Variants in ABCB1 observed in about 807,000 individuals in gnomAD.
The protein encoded by ABCB1 is ATP-dependent translocase ABCB1.
A neutral mutation model predicts 142.0 loss-of-function variants in ABCB1; 69 were observed. That is an observed-to-expected ratio of 0.49 (90% CI 0.40 to 0.59). The LOEUF (loss-of-function observed/expected upper bound fraction) is 0.59. Among genes scored for constraint, ABCB1 ranks in the 20% least tolerant of loss-of-function variants. The pLI, the probability that ABCB1 is intolerant of heterozygous loss-of-function variation, is 0.00. For missense variants in ABCB1, 1,326 were observed against 1,554.7 expected (o/e 0.85, Z 2.47); for synonymous variants, 532 against 539.2 (o/e 0.99, Z 0.18).
chr7:87,634,713 C>T (rs1387231045), intron 1 of ABCB1, among the ~76,000 whole-genome samples: 2 of 151,872 alleles, frequency 1.3e-5, no homozygotes, highest in African/African-American at 4.8e-5. Flanking sequence ...GAGTATGCCT[C>T]ATAAGACTGT....
intron 9 of ABCB1, among the ~76,000 whole-genome samples, chr7:87,551,116 G>A (rs945023125): frequency 2.6e-5 from 4 of 152,034 alleles, no homozygotes; most frequent in Non-Finnish European, 5.9e-5. Flanking sequence ...CTACCTCCTG[G>A]GCTCAAGCAA....
Position 87,519,622 on chromosome 7 carries a change from G to A in ABCB1, c.2787-156C>T, listed in dbSNP as rs4728697. Among the ~76,000 whole-genome samples, 399 of 152,346 alleles carry A rather than the reference G, an allele frequency of 2.6e-3. 14 individuals are homozygous for A. Among genetic ancestry groups the A allele is most frequent in the Admixed American group, 0.023 (348 of 15,294 alleles). On this transcript the variant is annotated intron_variant, in intron 22 of 27. Coordinates refer to ENST00000622132, the MANE Select transcript of ABCB1 (RefSeq NM_001348946.2). ...TTTGGTCCTCACTTTACACTTAACA[G>A]TTGTGCAAATTTGGGAAACTGCCTA...
intron 20 of ABCB1, among the ~76,000 whole-genome samples, chr7:87,535,419 A>G (rs1184215641): frequency 2.0e-5 from 3 of 148,574 alleles, no homozygotes; most frequent in Non-Finnish European, 4.4e-5. Context: ...TGCAACCTCC[A>G]CCTCCTGAGT....
chr7:87,592,096 G>A (rs1034762417), intron 3 of ABCB1, among the ~76,000 whole-genome samples: 4 of 152,186 alleles, frequency 2.6e-5, no homozygotes, highest in Non-Finnish European at 5.9e-5. Context: ...AGTCAATGGC[G>A]AAATCAAGAC....
At chr7:87,706,854 C>T (rs1829641540) in intron 1 of ABCB1, among the ~76,000 whole-genome samples, 1 of 152,112 alleles carries the variant, frequency 6.6e-6, no homozygotes, top group African/African-American at 2.4e-5. Flanking sequence ...AAGCAAAGTC[C>T]CATAAACAAA....
chr7:87,685,759 A>G (rs1383833007), intron 1 of ABCB1, among the ~76,000 whole-genome samples: 2 of 152,200 alleles, frequency 1.3e-5, no homozygotes, highest in African/African-American at 2.4e-5. Flanking sequence ...TCATGGTTAC[A>G]TGACTCCCTC....
chr7:87,535,430 T>C (rs1482059613), intron 20 of ABCB1, among the ~76,000 whole-genome samples: 1 of 151,954 alleles, frequency 6.6e-6, no homozygotes, highest in Admixed American at 6.6e-5. Flanking sequence ...CCTCCTGAGT[T>C]CAAGTAATTC....
chr7:87,649,205 T>C (rs967539461), intron 1 of ABCB1, among the ~76,000 whole-genome samples: 1 of 151,890 alleles, frequency 6.6e-6, no homozygotes, highest in East Asian at 1.9e-4. Context: ...TGATAGTGGT[T>C]ATATGAATCT....
At chr7:87,561,996 C>A (rs989227396) in intron 7 of ABCB1, among the ~76,000 whole-genome samples, 1 of 151,972 alleles carries the variant, frequency 6.6e-6, no homozygotes, top group African/African-American at 2.4e-5. Context: ...CCCCACCCCT[C>A]CCCCAAAATT....
chr7:87,713,162 T>C (rs1373844574), exon 1 of ABCB1: 1 of 152,170 alleles, frequency 6.6e-6, no homozygotes, highest in Non-Finnish European at 1.5e-5. Context: ...GTACCTTACC[T>C]TTTATCTGGT....
chr7:87,695,172 C>A (rs1478560970), intron 1 of ABCB1, among the ~76,000 whole-genome samples: 1 of 152,050 alleles, frequency 6.6e-6, no homozygotes, highest in Non-Finnish European at 1.5e-5. Flanking sequence ...AGTGTTTATA[C>A]TTGTTCTATT....
At chr7:87,692,159 A>G (rs1013718063) in intron 1 of ABCB1, among the ~76,000 whole-genome samples, 3 of 152,136 alleles carry the variant, frequency 2.0e-5, no homozygotes, top group Non-Finnish European at 4.4e-5. Context: ...AAAATAACCA[A>G]CATTATCTAG....
chr7:87,601,739 A>T (rs763362206), upstream of ABCB1, among the ~76,000 whole-genome samples: 3 of 152,258 alleles, frequency 2.0e-5, no homozygotes, highest in Non-Finnish European at 4.4e-5. Flanking sequence ...TCTTATGAAC[A>T]TAGAGGAAAT....
chr7:87,595,706 C>T, intron 3 of ABCB1, 60 bp downstream of exon 3: 1 of 1,285,730 alleles, frequency 7.8e-7, no homozygotes. Flanking sequence ...ATCTCTTTTC[C>T]ATGTAAGGAG....
intron 1 of ABCB1, chr7:87,627,708 A>C (rs1820750461): frequency 6.6e-6 from 1 of 152,306 alleles, no homozygotes; most frequent in Admixed American, 6.5e-5. Context: ...AGCTGGACCG[A>C]GGCCGCGTCG....
chr7:87,551,699 C>T (rs1817079291), intron 9 of ABCB1, among the ~76,000 whole-genome samples: 1 of 151,914 alleles, frequency 6.6e-6, no homozygotes, highest in African/African-American at 2.4e-5. Context: ...ACTATGTTGC[C>T]CATACTAAAA....
chr7:87,675,059 C>T (rs1431839258), intron 1 of ABCB1, among the ~76,000 whole-genome samples: 1 of 152,232 alleles, frequency 6.6e-6, no homozygotes, highest in Non-Finnish European at 1.5e-5. Context: ...TGATCTCCTG[C>T]TGCTAGGATC....
chr7:87,560,290 C>A (rs1464745026), intron 8 of ABCB1, among the ~76,000 whole-genome samples: 1 of 152,082 alleles, frequency 6.6e-6, no homozygotes, highest in Non-Finnish European at 1.5e-5. Flanking sequence ...TGGCACTTAA[C>A]CATTATAAAT....
chr7:87,512,190 A>T (rs554539417), intron 25 of ABCB1, among the ~76,000 whole-genome samples: 285 of 149,536 alleles, frequency 1.9e-3, no homozygotes, highest in African/African-American at 5.8e-3. Context: ...TAAAAAAAAA[A>T]TTTTTTTTTT....
Sources: allele counts gnomAD v4.1 joint callset (sites outside exome capture counted in the v4.1 genomes callset), GRCh38; gene constraint gnomAD v4.1.1; transcripts MANE v1.5; gene names NCBI Gene and HGNC (gene_info 2026-07-23, HGNC 2026-07-21).